The following GPA33 variants were observed in gnomAD, a reference collection of about 807,000 sequenced individuals.
GPA33 encodes the protein cell surface A33 antigen.
GPA33 carries 27 observed loss-of-function variants against 35.6 expected under a neutral mutation model. The ratio of observed to expected loss-of-function variants is 0.76; its 90% CI spans 0.56 to 1.04. The LOEUF (loss-of-function observed/expected upper bound fraction) is 1.04, where lower values mean the gene tolerates loss of function less well. Among genes scored for constraint, GPA33 ranks in the 50% least tolerant of loss-of-function variants. The pLI, the probability that GPA33 is intolerant of heterozygous loss-of-function variation, is 0.00. For missense variants in GPA33, 428 were observed against 411.9 expected (o/e 1.04, Z -0.34); for synonymous variants, 176 against 164.0 (o/e 1.07, Z -0.56).
chr1:167,069,630 A>T (rs1558007597), intron 2 of GPA33, among the ~76,000 whole-genome samples: 1 of 152,202 alleles, frequency 6.6e-6, no homozygotes, highest in Non-Finnish European at 1.5e-5. Context: ...ATCATTTATC[A>T]AATTGTATGT....
At position 167,054,063 on chromosome 1, in the gene GPA33, C is replaced by A; in HGVS notation, c.*271G>T. Reference sequence around the variant, plus strand: ...CTGCCAACTACGAGGGAAGTGGAGGCTGCAGCCTGGTCTTGAGTGAGGGCC... The same window carrying A: ...CTGCCAACTACGAGGGAAGTGGAGGATGCAGCCTGGTCTTGAGTGAGGGCC... On this transcript the variant is annotated 3_prime_UTR_variant, in exon 7 of 7. Coordinates refer to ENST00000367868, the MANE Select transcript of GPA33 (RefSeq NM_005814.3). The A allele has an allele frequency of 2.1e-6, 1 of 466,320 alleles. No individual in the cohort carries two copies. Among genetic ancestry groups the A allele is most frequent in the Non-Finnish European group, 3.9e-6 (1 of 258,424 alleles). 28.9% of individuals were successfully genotyped at this position (466,320 alleles called of 1,614,324 possible). A position where few individuals can be genotyped will look rare whatever the true frequency, so the allele number is the denominator to read the frequency against.
chr1:167,064,645 TAA>T (rs149884667), intron 3 of GPA33, among the ~76,000 whole-genome samples: 396 of 152,342 alleles, frequency 2.6e-3, no homozygotes, highest in African/African-American at 8.8e-3. Flanking sequence ...GTTAGAAATG[TAA>T]AAACAGTCTG....
chr1:167,075,192 T>G (rs1393204695), intron 1 of GPA33, among the ~76,000 whole-genome samples: 1 of 152,220 alleles, frequency 6.6e-6, no homozygotes, highest in East Asian at 1.9e-4. Context: ...TGAGCCACCA[T>G]GCCTGGCCTG....
In GPA33 at chr1:167,066,390, C is replaced by G. The variant is rs149127296; in HGVS notation, c.415+2532G>C. 3.3e-5 allele frequency among the ~76,000 whole-genome samples: 5 copies of G among 152,320 alleles called. No homozygotes were observed. The East Asian group carries it at 9.7e-4, about 29-fold the overall frequency. ...GCTGAAAGCAAATCCTTAATTCTCT[C>G]CAGAGGCAGAGGTACAGACAATGGC... On this transcript the variant is annotated intron_variant, in intron 3 of 6. Transcript: ENST00000367868.
At chr1:167,060,057 TTCTC>T (rs201156048) in intron 4 of GPA33, among the ~76,000 whole-genome samples, 1,702 of 152,174 alleles carry the variant, frequency 0.011, 16 homozygotes, top group Non-Finnish European at 0.016. Context: ...AATTAGCAGA[TTCTC>T]TCTATTTATT....
chr1:167,069,063 A>T lies in GPA33; in HGVS notation c.274T>A (p.Ser92Thr). 1 of 1,613,526 alleles carries T rather than the reference A, an allele frequency of 6.2e-7. No individual in the cohort carries two copies. Among genetic ancestry groups the T allele is most frequent in the African/African-American group, 1.3e-5 (1 of 75,008 alleles). ...GELYKNRVSI[S>T]NNAEQSDASI... ...GCATCGGACTGCTCAGCATTGTTGG[A>T]TATGCTGACGCGATTCTTATAAAGC... is the stretch of plus-strand genomic sequence containing the variant. Residue 92 changes from serine to threonine, a missense_variant, in exon 3 of 7, where the codon TCC becomes ACC. By Grantham distance (58) the Ser-to-Thr change is moderately conservative. Transcript: ENST00000367868.
Position 167,073,772 on chromosome 1 carries a change from G to C in GPA33, c.44-233C>G, listed in dbSNP as rs534001344. 4.6e-5 allele frequency among the ~76,000 whole-genome samples: 7 copies of C among 152,250 alleles called. No individual in the cohort carries two copies. In the East Asian group the frequency reaches 1.4e-3, roughly 29 times the overall value. On this transcript the variant is annotated intron_variant, in intron 1 of 6. Coordinates refer to ENST00000367868, the MANE Select transcript of GPA33 (RefSeq NM_005814.3). ...ACTCCACCCCACAGCATGATGAATT[G>C]CCTGGCCCTGAACCTCAGCCCTACT...
At chr1:167,074,136 G>A (rs1666777697) in intron 1 of GPA33, among the ~76,000 whole-genome samples, 1 of 150,858 alleles carries the variant, frequency 6.6e-6, no homozygotes, top group Non-Finnish European at 1.5e-5. Context: ...GAAAAAGAAT[G>A]TGGCCACACT....
At chr1:167,062,815 G>A (rs1038051579) in intron 4 of GPA33, among the ~76,000 whole-genome samples, 1 of 151,950 alleles carries the variant, frequency 6.6e-6, no homozygotes, top group Non-Finnish European at 1.5e-5. Context: ...CCATAAAACG[G>A]TGGTGTGTCT....
At chr1:167,060,438 C>A (rs963643738) in intron 4 of GPA33, among the ~76,000 whole-genome samples, 6 of 152,134 alleles carry the variant, frequency 3.9e-5, no homozygotes, top group Non-Finnish European at 8.8e-5. Flanking sequence ...GAGAACTCTG[C>A]CCTCACCCCG....
At chr1:167,062,931 T>C (rs557915839) in intron 4 of GPA33, among the ~76,000 whole-genome samples, 17 of 152,282 alleles carry the variant, frequency 1.1e-4, no homozygotes, top group African/African-American at 3.9e-4. Context: ...ACTTGGGGTC[T>C]CAAATGTATA....
chr1:167,069,026 A>G lies in GPA33; in HGVS notation c.311T>C (p.Ile104Thr), dbSNP rs1239727861. 3.1e-6 allele frequency: 5 copies of G among 1,613,982 alleles called. No homozygotes were observed. In the Admixed American group the frequency reaches 6.7e-5, roughly 22 times the overall value. The change falls in exon 3 of 7, where the codon ATT becomes ACT. Residue 104 changes from isoleucine (I) to threonine (T), a missense_variant. Transcript: ENST00000367868. ...GTTGTCAGCCATGGTCAGCTGATCA[A>G]TGGTGATGGAGGCATCGGACTGCTC... ...NAEQSDASIT[I>T]DQLTMADNGT...
chr1:167,069,148 G>A lies in GPA33; in HGVS notation c.199-10C>T. The A allele has an allele frequency of 6.3e-7, 1 of 1,594,140 alleles. No individual in the cohort carries two copies. Among genetic ancestry groups the A allele is most frequent in the Non-Finnish European group, 8.6e-7 (1 of 1,162,338 alleles). On this transcript the variant is annotated splice_polypyrimidine_tract_variant and intron_variant, in intron 2 of 6. Coordinates refer to ENST00000367868, the MANE Select transcript of GPA33 (RefSeq NM_005814.3). ...AGATGACCACCCTTTCCTGGAGAGA[G>A]AAGAAATGGCACCAGGTCTTCACCC...
rs753272563 is a variant in GPA33, at chr1:167,068,944, T to C, written c.393A>G (p.Ser131=). 1.2e-6 allele frequency: 2 copies of C among 1,612,998 alleles called. No homozygotes were observed. Among genetic ancestry groups the C allele is most frequent in the Non-Finnish European group, 1.7e-6 (2 of 1,179,810 alleles). ...LMSDLEGNTK[S]RVRLLVLVPP... ...CACCGAGGACCAACAGGCGGACACG[T>C]GACTTGGTGTTGCCCTCCAGGTCTG... The change falls in exon 3 of 7, where the codon TCA becomes TCG. Residue 131 remains serine (S), a synonymous_variant. Transcript: ENST00000367868.
chr1:167,055,003 T>C lies in GPA33; in HGVS notation c.800A>G (p.Asn267Ser), dbSNP rs1558000636. The change falls in exon 6 of 7, where the codon AAC becomes AGC. Residue 267 changes from asparagine to serine, a missense_variant. By Grantham distance (46) the Asn-to-Ser change is conservative. Transcript: ENST00000367868. ...CCTTGCATCCTCCTTGTCTTCAGTGTTGTCGTCCTTCCCTCGGCAGCAGCA... is the reference window on the plus strand; with the variant it reads ...CCTTGCATCCTCCTTGTCTTCAGTGCTGTCGTCCTTCCCTCGGCAGCAGCA... Reference protein sequence around the residue: ...YCCCCRGKDDNTEDKEDARPN... With the variant: ...YCCCCRGKDDSTEDKEDARPN... The C allele has an allele frequency of 6.2e-7, 1 of 1,614,094 alleles. No individual in the cohort carries two copies. Among genetic ancestry groups the C allele is most frequent in the Non-Finnish European group, 8.5e-7 (1 of 1,180,032 alleles).
chr1:167,059,162 T>G (rs1040341051), intron 4 of GPA33, among the ~76,000 whole-genome samples: 3 of 152,164 alleles, frequency 2.0e-5, no homozygotes, highest in African/African-American at 7.2e-5. Flanking sequence ...CCCAGTTCCC[T>G]GATGCAAACC....
intron 1 of GPA33, among the ~76,000 whole-genome samples, chr1:167,077,835 A>G (rs1666854811): frequency 6.6e-6 from 1 of 152,234 alleles, no homozygotes; most frequent in African/African-American, 2.4e-5. Flanking sequence ...GGTATTTTAC[A>G]GATATTCTCT....
intron 4 of GPA33, among the ~76,000 whole-genome samples, chr1:167,056,185 AAATGAGGTACT>A (rs1666246569): frequency 1.3e-5 from 2 of 152,218 alleles, no homozygotes; most frequent in Admixed American, 6.5e-5. Flanking sequence ...TGCAAGCATA[AAATGAGGTACT>A]AATAATAAAT....
At chr1:167,070,139 G>A (rs988659223) in intron 2 of GPA33, among the ~76,000 whole-genome samples, 1 of 152,178 alleles carries the variant, frequency 6.6e-6, no homozygotes, top group African/African-American at 2.4e-5. Flanking sequence ...GGGAGAGTAA[G>A]TGTTGGAGTA....
Sources: gnomAD v4.1 joint callset for allele counts (sites outside exome capture counted in the v4.1 genomes callset) on GRCh38, gnomAD v4.1.1 for gene constraint, MANE v1.5 for transcripts, NCBI Gene and HGNC (gene_info 2026-07-23, HGNC 2026-07-21) for gene names.